RAB33A: variants seen among roughly 807,000 people sequenced by gnomAD.
RAB33A encodes RAB33A, member RAS oncogene family.
A neutral mutation model predicts 12.0 loss-of-function variants in RAB33A; 6 were observed. The ratio of observed to expected loss-of-function variants is 0.50; its 90% CI spans 0.27 to 0.99. The LOEUF (loss-of-function observed/expected upper bound fraction) is 0.99, where lower values mean the gene tolerates loss of function less well. Among genes scored for constraint, RAB33A ranks in the 50% least tolerant of loss-of-function variants. The probability of loss-of-function intolerance (pLI) is 0.11; values close to 1 mark genes in which losing one functional copy is unlikely to be tolerated. For synonymous variants in RAB33A, 70 were observed against 82.4 expected (o/e 0.85, Z 0.81); for missense variants, 109 against 192.0 (o/e 0.57, Z 2.55).
chrX:130,158,513 T>C, the RAB33A span, among the ~76,000 whole-genome samples: 41 of 110,146 alleles, frequency 3.7e-4, no homozygotes, highest in Non-Finnish European at 7.4e-4. Context: ...CTCAAGAATG[T>C]GCATTTCTAA....
At chrX:130,160,225 T>C in the RAB33A span, among the ~76,000 whole-genome samples, 2 of 112,033 alleles carry the variant, frequency 1.8e-5, no homozygotes, top group South Asian at 7.4e-4. Context: ...CACATTTTCT[T>C]TTCCCTATGA....
chrX:130,169,187 G>GTC (rs2031578751), upstream of RAB33A, among the ~76,000 whole-genome samples: 1 of 94,917 alleles, frequency 1.1e-5, no homozygotes, highest in African/African-American at 4.1e-5. Flanking sequence ...CAGCCCGGGT[G>GTC]ACAGAGCGAG....
chrX:130,136,062 G>A, the RAB33A span: 2 of 1,209,998 alleles, frequency 1.7e-6, no homozygotes, highest in Non-Finnish European at 2.2e-6. Context: ...ATGTTAGAGC[G>A]TGCTTGTAGC....
At chrX:130,154,031 G>A in the RAB33A span, among the ~76,000 whole-genome samples, 2 of 112,380 alleles carry the variant, frequency 1.8e-5, no homozygotes, top group South Asian at 3.6e-4. Context: ...AGCCACCTCA[G>A]ATCAAGTTTT....
the RAB33A span, among the ~76,000 whole-genome samples, chrX:130,142,546 T>C: frequency 8.9e-6 from 1 of 112,197 alleles, no homozygotes; most frequent in Admixed American, 9.4e-5. Flanking sequence ...TGATTCTATG[T>C]CCTCTTCACG....
the RAB33A span, among the ~76,000 whole-genome samples, chrX:130,125,790 G>T: frequency 7.2e-5 from 8 of 111,760 alleles, no homozygotes; most frequent in Admixed American, 6.6e-4. Context: ...TCCAAAACAG[G>T]CCCTGTTGAT....
At chrX:130,132,720 A>G in the RAB33A span, among the ~76,000 whole-genome samples, 1 of 104,844 alleles carries the variant, frequency 9.5e-6, no homozygotes, top group Admixed American at 1.0e-4. Flanking sequence ...ATCTTTTAGG[A>G]CTGGAATGCT....
the RAB33A span, among the ~76,000 whole-genome samples, chrX:130,113,077 CTTTTTTTTTTTTT>C: frequency 2.1e-5 from 1 of 46,994 alleles, no homozygotes; most frequent in African/African-American, 9.6e-5. Flanking sequence ...TTTTTTCCTT[CTTTTTTTTTTTTT>C]TTTTTTTTGA....
the RAB33A span, among the ~76,000 whole-genome samples, chrX:130,144,075 T>C: frequency 0.011 from 1,242 of 112,060 alleles, 8 homozygotes; most frequent in African/African-American, 0.039. Flanking sequence ...CATAAGATTA[T>C]TGGGAGGATA....
chrX:130,166,303 C>G, the RAB33A span, among the ~76,000 whole-genome samples: 1 of 111,450 alleles, frequency 9.0e-6, no homozygotes, highest in East Asian at 2.8e-4. Flanking sequence ...CCACCCAACC[C>G]GTTTCCTGGA....
chrX:130,140,085 G>A, the RAB33A span, among the ~76,000 whole-genome samples: 3 of 112,355 alleles, frequency 2.7e-5, no homozygotes, highest in African/African-American at 9.7e-5. Context: ...CTGTCTTCAA[G>A]GGGTACACCC....
the RAB33A span, among the ~76,000 whole-genome samples, chrX:130,127,033 C>T: frequency 9.2e-6 from 1 of 108,741 alleles, no homozygotes; most frequent in African/African-American, 3.5e-5. Context: ...TGGCAATAAA[C>T]CAGGTGTGTG....
the RAB33A span, chrX:130,156,632 A>T: frequency 4.5e-5 from 54 of 1,197,929 alleles, no homozygotes; most frequent in Non-Finnish European, 1.0e-5. Flanking sequence ...TAAGACACAC[A>T]CATACAAAAA....
the RAB33A span, among the ~76,000 whole-genome samples, chrX:130,164,381 T>C: frequency 8.9e-6 from 1 of 112,545 alleles, no homozygotes; most frequent in South Asian, 3.6e-4. Context: ...GCATAGCAAC[T>C]GGAAAAACTG....
At chrX:130,123,630 G>A in the RAB33A span, among the ~76,000 whole-genome samples, 1 of 104,194 alleles carries the variant, frequency 9.6e-6, no homozygotes, top group Non-Finnish European at 2.0e-5. Flanking sequence ...CCGGGAGGTG[G>A]AGGTTGCAGT....
the RAB33A span, chrX:130,156,658 A>G: frequency 2.6e-6 from 3 of 1,134,790 alleles, no homozygotes; most frequent in Non-Finnish European, 3.6e-6. Flanking sequence ...TAGTTAATAC[A>G]TATTTATGAT....
the RAB33A span, among the ~76,000 whole-genome samples, chrX:130,153,162 G>A: frequency 8.4e-5 from 7 of 83,560 alleles, no homozygotes; most frequent in East Asian, 3.5e-4. Context: ...GTGAAACCCC[G>A]TCTCTACTAA....
chrX:130,176,405 G>A (rs972529289), intron 1 of RAB33A, among the ~76,000 whole-genome samples: 6 of 111,790 alleles, frequency 5.4e-5, no homozygotes, highest in Non-Finnish European at 1.1e-4. Context: ...CACAGGCTGG[G>A]CACTCCCTGT....
chrX:130,140,492 G>T, the RAB33A span: 1 of 1,090,102 alleles, frequency 9.2e-7, no homozygotes, highest in Non-Finnish European at 1.3e-6. Flanking sequence ...AAACTTGAAT[G>T]AGCTGTATCA....
Sources: allele counts gnomAD v4.1 joint callset (sites outside exome capture counted in the v4.1 genomes callset), GRCh38; gene constraint gnomAD v4.1.1; transcripts MANE v1.5; gene names NCBI Gene and HGNC (gene_info 2026-07-23, HGNC 2026-07-21).